Variants in ZDHHC3 observed in about 807,000 individuals in gnomAD.
The protein encoded by ZDHHC3 is palmitoyltransferase ZDHHC3.
ZDHHC3 carries 9 observed loss-of-function variants against 30.6 expected under a neutral mutation model. The observed-to-expected ratio is 0.29, with a 90% confidence interval of 0.18 to 0.51. The LOEUF (loss-of-function observed/expected upper bound fraction) is 0.51, where lower values mean the gene tolerates loss of function less well. ZDHHC3 is among the 20% of genes least tolerant of loss of function. ZDHHC3 has a pLI of 0.97. For synonymous variants in ZDHHC3, 136 were observed against 140.2 expected, an observed-to-expected ratio of 0.97 and a Z score of 0.21; for missense variants, 246 against 384.2, an observed-to-expected ratio of 0.64 and a Z score of 3.01.
At chr3:44,971,069 C>T (rs1575964601) in intron 1 of ZDHHC3, among the ~76,000 whole-genome samples, 1 of 152,316 alleles carries the variant, frequency 6.6e-6, no homozygotes, top group East Asian at 1.9e-4. Flanking sequence ...TTTCTAGATT[C>T]TCTGCTACTA....
At chr3:44,937,853 A>G (rs573340852) in intron 3 of ZDHHC3, 4 of 469,620 alleles carry the variant, frequency 8.5e-6, no homozygotes, top group Non-Finnish European at 1.7e-5. Context: ...TGAGGCTTAC[A>G]GTGAAAGTGA....
In ZDHHC3 at chr3:44,945,415, CCAA is replaced by C; in HGVS notation, c.307-126_307-124del. The C allele has an allele frequency of 5.9e-6, 8 of 1,361,192 alleles. No homozygotes were observed. The Middle Eastern group carries it at 6.8e-4, about 116-fold the overall frequency. The allele number at this position is 1,361,192 out of a possible 1,614,324, so 84.3% of individuals were successfully genotyped here. ...CACACATGGACAGGACACTTTGATA[CCAA>C]CAACATGTGGACTCTGTGTTCAGAA... On this transcript the variant is annotated intron_variant, in intron 2 of 6. Coordinates refer to ENST00000424952, the MANE Select transcript of ZDHHC3 (RefSeq NM_001135179.2).
chr3:44,969,013 C>T (rs1364673843), intron 1 of ZDHHC3, among the ~76,000 whole-genome samples: 1 of 152,208 alleles, frequency 6.6e-6, no homozygotes, highest in Non-Finnish European at 1.5e-5. Flanking sequence ...GCTGCCATCT[C>T]CCTGCATTAA....
At chr3:44,954,154 T>C (rs1703717384) in intron 2 of ZDHHC3, among the ~76,000 whole-genome samples, 1 of 151,990 alleles carries the variant, frequency 6.6e-6, no homozygotes, top group South Asian at 2.1e-4. Flanking sequence ...TCTGAGATAG[T>C]CATGGAGGTC....
At chr3:44,932,801 G>T in intron 5 of ZDHHC3, 2 of 1,010,664 alleles carry the variant, frequency 2.0e-6, no homozygotes, top group Non-Finnish European at 3.1e-6. Context: ...TTCTCTCCCA[G>T]CATGGCTCCC....
Position 44,926,860 on chromosome 3 carries a change from A to G in ZDHHC3, c.742-13T>C. ...ATTGTTCTATTCCCTGAAAACAAGA[A>G]CAATCATACTTTCAGTCAAGCACTG... On this transcript the variant is annotated splice_polypyrimidine_tract_variant and intron_variant, in intron 6 of 6. Transcript: ENST00000424952. 6.3e-7 allele frequency: 1 copy of G among 1,596,364 alleles called. No homozygotes were observed. Among genetic ancestry groups the G allele is most frequent in the South Asian group, 1.1e-5 (1 of 87,552 alleles).
chr3:44,952,601 G>A (rs954176205), intron 2 of ZDHHC3, among the ~76,000 whole-genome samples: 1 of 152,194 alleles, frequency 6.6e-6, no homozygotes, highest in African/African-American at 2.4e-5. Context: ...CCAATCCAGT[G>A]CCACCTCCCT....
At chr3:44,941,483 C>T (rs765887706) in intron 3 of ZDHHC3, among the ~76,000 whole-genome samples, 6 of 152,166 alleles carry the variant, frequency 3.9e-5, no homozygotes, top group Non-Finnish European at 7.4e-5. Context: ...AAAAACAATA[C>T]TAGTGCTACA....
intron 5 of ZDHHC3, among the ~76,000 whole-genome samples, chr3:44,930,225 A>G (rs1701376742): frequency 6.6e-6 from 1 of 152,232 alleles, no homozygotes; most frequent in South Asian, 2.1e-4. Context: ...TTTGCTTTTA[A>G]GCAGAATCTT....
intron 1 of ZDHHC3, among the ~76,000 whole-genome samples, chr3:44,973,404 G>A (rs1460767628): frequency 6.6e-6 from 1 of 152,150 alleles, no homozygotes; most frequent in South Asian, 2.1e-4. Context: ...CTGTAAAATA[G>A]GGATAAGAAT....
At chr3:44,938,691 ACACT>A (rs1272895851) in intron 3 of ZDHHC3, among the ~76,000 whole-genome samples, 1 of 152,190 alleles carries the variant, frequency 6.6e-6, no homozygotes, top group African/African-American at 2.4e-5. Context: ...TTGCTGGATC[ACACT>A]CACACCACAG....
intron 1 of ZDHHC3, among the ~76,000 whole-genome samples, chr3:44,970,563 C>G (rs568975666): frequency 6.6e-6 from 1 of 152,350 alleles, no homozygotes; most frequent in Non-Finnish European, 1.5e-5. Context: ...TTCTCAGGAG[C>G]AAATTCAACG....
chr3:44,946,550 T>C (rs1195179478), intron 2 of ZDHHC3, among the ~76,000 whole-genome samples: 2 of 152,164 alleles, frequency 1.3e-5, no homozygotes, highest in Admixed American at 6.5e-5. Context: ...AGAGGTTACA[T>C]GCTGTGGAAG....
rs571442547 is a variant in ZDHHC3, at chr3:44,933,486, G to T, written c.529-287C>A. On this transcript the variant is annotated intron_variant, in intron 4 of 6. Coordinates refer to ENST00000424952, the MANE Select transcript of ZDHHC3 (RefSeq NM_001135179.2). ...GCAGTATGAGCTGCCTGGGCGGGGG[G>T]TTCAAGCCTGCTGTACCTCCTCCCT... 1.2e-5 allele frequency: 7 copies of T among 561,696 alleles called. No homozygotes were observed. The South Asian group carries it at 1.3e-4, about 11-fold the overall frequency. 34.8% of individuals were successfully genotyped at this position (561,696 alleles called of 1,614,324 possible).
chr3:44,941,814 A>C (rs1702466973), intron 3 of ZDHHC3, among the ~76,000 whole-genome samples: 1 of 152,228 alleles, frequency 6.6e-6, no homozygotes, highest in Admixed American at 6.5e-5. Flanking sequence ...AAAGTTTACA[A>C]ATTTGTGTTG....
At chr3:44,950,105 G>C (rs932960250) in intron 2 of ZDHHC3, among the ~76,000 whole-genome samples, 13 of 152,332 alleles carry the variant, frequency 8.5e-5, no homozygotes, top group Non-Finnish European at 1.8e-4. Context: ...GAAGTGCTGG[G>C]ATTACAGGGG....
chr3:44,965,569 A>G (rs1704872479), intron 1 of ZDHHC3, among the ~76,000 whole-genome samples: 1 of 152,140 alleles, frequency 6.6e-6, no homozygotes. Context: ...CAGCTACATC[A>G]TTTGTTGAGT....
intron 1 of ZDHHC3, among the ~76,000 whole-genome samples, chr3:44,960,372 T>C (rs1704370703): frequency 6.6e-6 from 1 of 152,232 alleles, no homozygotes; most frequent in African/African-American, 2.4e-5. Flanking sequence ...CATAACACTC[T>C]GTACACCTCA....
intron 2 of ZDHHC3, among the ~76,000 whole-genome samples, chr3:44,949,836 A>C (rs903914130): frequency 5.9e-5 from 9 of 151,622 alleles, no homozygotes; most frequent in South Asian, 2.1e-4. Flanking sequence ...ATTTTTCATT[A>C]TTTTTTCTTT....
Sources: allele counts gnomAD v4.1 joint callset (sites outside exome capture counted in the v4.1 genomes callset), GRCh38; gene constraint gnomAD v4.1.1; transcripts MANE v1.5; gene names NCBI Gene and HGNC (gene_info 2026-07-23, HGNC 2026-07-21).